Variants in BRD10 observed in about 807,000 individuals in gnomAD.
BRD10 encodes bromodomain containing 10.
the BRD10 span, chr9:5,929,295 G>A: frequency 4.0e-6 from 2 of 505,468 alleles, no homozygotes; most frequent in African/African-American, 2.0e-5. Flanking sequence ...CAGAAAGGGG[G>A]AAAATATCCT....
the BRD10 span, among the ~76,000 whole-genome samples, chr9:5,930,369 T>TTATATATATATATATA: frequency 5.2e-5 from 7 of 135,540 alleles, no homozygotes; most frequent in African/African-American, 1.7e-4. Context: ...TATAAGGAGA[T>TTATATATATATATATA]TATATATATA....
the BRD10 span, among the ~76,000 whole-genome samples, chr9:5,959,477 G>T: frequency 6.6e-6 from 1 of 152,068 alleles, no homozygotes; most frequent in African/African-American, 2.4e-5. Flanking sequence ...ATGTATAAAG[G>T]CTTAGAACAG....
chr9:5,915,641 G>T, the BRD10 span, among the ~76,000 whole-genome samples: 1 of 152,068 alleles, frequency 6.6e-6, no homozygotes, highest in South Asian at 2.1e-4. Flanking sequence ...AGTTATAAAC[G>T]TACTTGCAGT....
the BRD10 span, among the ~76,000 whole-genome samples, chr9:5,970,424 T>G: frequency 1.3e-5 from 2 of 152,096 alleles, no homozygotes; most frequent in Non-Finnish European, 2.9e-5. Flanking sequence ...AGTGCTTTTT[T>G]CCCCCTTAAG....
At chr9:5,968,465 A>G in the BRD10 span, 11 of 1,611,672 alleles carry the variant, frequency 6.8e-6, no homozygotes, top group Non-Finnish European at 7.6e-6. Context: ...TGGTTTCTCT[A>G]AATTTTCTTT....
chr9:5,963,766 A>C, the BRD10 span, among the ~76,000 whole-genome samples: 13,795 of 151,352 alleles, frequency 0.091, 729 homozygotes, highest in Middle Eastern at 0.14. Flanking sequence ...CTACAACTAT[A>C]TGATCTTTGA....
the BRD10 span, among the ~76,000 whole-genome samples, chr9:5,959,642 G>C: frequency 6.6e-6 from 1 of 152,146 alleles, no homozygotes; most frequent in Non-Finnish European, 1.5e-5. Context: ...TTCTCCGTAA[G>C]ACACATGTAG....
the BRD10 span, among the ~76,000 whole-genome samples, chr9:5,974,926 G>T: frequency 1.3e-5 from 2 of 152,186 alleles, no homozygotes; most frequent in Admixed American, 6.5e-5. Flanking sequence ...AATCATAAAA[G>T]AGTCAGAATA....
the BRD10 span, among the ~76,000 whole-genome samples, chr9:5,976,791 T>C: frequency 6.8e-6 from 1 of 146,790 alleles, no homozygotes; most frequent in Non-Finnish European, 1.5e-5. Context: ...AAAAAAAAAA[T>C]CTGGGAATCC....
chr9:5,962,118 T>G, the BRD10 span, among the ~76,000 whole-genome samples: 2 of 152,166 alleles, frequency 1.3e-5, no homozygotes, highest in Non-Finnish European at 2.9e-5. Context: ...GGGCATTTAG[T>G]GCTATAAATT....
the BRD10 span, among the ~76,000 whole-genome samples, chr9:5,916,533 ATG>A: frequency 1.4e-5 from 2 of 141,476 alleles, no homozygotes; most frequent in African/African-American, 2.6e-5. Flanking sequence ...GTGTATATAT[ATG>A]TATATATAAA....
At chr9:5,981,620 T>A in the BRD10 span, among the ~76,000 whole-genome samples, 1 of 151,936 alleles carries the variant, frequency 6.6e-6, no homozygotes. Context: ...CATGTATCTA[T>A]CTTCTATCTA....
the BRD10 span, among the ~76,000 whole-genome samples, chr9:5,967,614 A>G: frequency 1.3e-5 from 2 of 148,466 alleles, no homozygotes; most frequent in Non-Finnish European, 3.0e-5. Context: ...TTAAGCAGCT[A>G]GTTGCTATGA....
chr9:5,974,332 A>G, the BRD10 span, among the ~76,000 whole-genome samples: 1 of 152,194 alleles, frequency 6.6e-6, no homozygotes, highest in Non-Finnish European at 1.5e-5. Flanking sequence ...AATTAGACTA[A>G]AATGAAAACT....
the BRD10 span, among the ~76,000 whole-genome samples, chr9:5,904,575 T>C: frequency 6.6e-6 from 1 of 151,034 alleles, no homozygotes; most frequent in Non-Finnish European, 1.5e-5. Flanking sequence ...CAGGTTCAAG[T>C]GATTCTCCTG....
chr9:5,941,435 C>T, the BRD10 span, among the ~76,000 whole-genome samples: 6 of 152,254 alleles, frequency 3.9e-5, no homozygotes, highest in Admixed American at 3.9e-4. Context: ...CTTTGTCAAA[C>T]TACATATTTA....
the BRD10 span, among the ~76,000 whole-genome samples, chr9:5,979,749 C>T: frequency 1.3e-5 from 2 of 151,842 alleles, no homozygotes; most frequent in Non-Finnish European, 2.9e-5. Flanking sequence ...GGTATGGTGG[C>T]TCACACCTAT....
chr9:5,908,650 C>T, the BRD10 span: 3 of 1,614,026 alleles, frequency 1.9e-6, no homozygotes, highest in South Asian at 3.3e-5. Context: ...GTTCCCAATG[C>T]TCCACCTGCT....
the BRD10 span, chr9:5,921,410 T>G: frequency 1.2e-6 from 2 of 1,613,992 alleles, no homozygotes; most frequent in Admixed American, 3.3e-5. Context: ...AGGAAGAGTT[T>G]GTTTTAATGA....
Sources: gnomAD v4.1 joint callset for allele counts (sites outside exome capture counted in the v4.1 genomes callset) on GRCh38, gnomAD v4.1.1 for gene constraint, MANE v1.5 for transcripts, NCBI Gene and HGNC (gene_info 2026-07-23, HGNC 2026-07-21) for gene names.